The following CPQ variants were observed in gnomAD, a reference collection of about 807,000 sequenced individuals.
The protein encoded by CPQ is carboxypeptidase Q.
A neutral mutation model predicts 45.7 loss-of-function variants in CPQ; 37 were observed. The observed-to-expected ratio is 0.81, with a 90% CI of 0.62 to 1.07. CPQ has a LOEUF of 1.07. Among genes scored for constraint, CPQ ranks in the 50% least tolerant of loss-of-function variants. The probability of loss-of-function intolerance (pLI) is 0.00; values close to 1 mark genes in which losing one functional copy is unlikely to be tolerated. For missense variants in CPQ, 537 were observed against 572.9 expected, an observed-to-expected ratio of 0.94 and a Z score of 0.64; for synonymous variants, 186 against 205.8, an observed-to-expected ratio of 0.90 and a Z score of 0.82.
chr8:96,750,579 A>C (rs1810244879), intron 1 of CPQ, among the ~76,000 whole-genome samples: 1 of 149,500 alleles, frequency 6.7e-6, no homozygotes, highest in Non-Finnish European at 1.5e-5. Flanking sequence ...TTGATTCCTG[A>C]GATCTTTTCT....
chr8:96,795,754 C>A (rs905538411), intron 2 of CPQ, among the ~76,000 whole-genome samples: 8 of 151,734 alleles, frequency 5.3e-5, no homozygotes, highest in African/African-American at 1.9e-4. Context: ...GGTATAAAAT[C>A]TTTTAATGTA....
intron 1 of CPQ, among the ~76,000 whole-genome samples, chr8:96,736,852 C>T (rs1276201231): frequency 6.6e-6 from 1 of 151,858 alleles, no homozygotes; most frequent in Non-Finnish European, 1.5e-5. Flanking sequence ...CTCTCTGAGC[C>T]CATATTGGTA....
At chr8:96,845,648 A>G (rs1184833368) in intron 3 of CPQ, among the ~76,000 whole-genome samples, 6 of 152,162 alleles carry the variant, frequency 3.9e-5, no homozygotes, top group African/African-American at 1.4e-4. Context: ...ATGCCTGTCT[A>G]TTTTTTAAAA....
intron 2 of CPQ, among the ~76,000 whole-genome samples, chr8:96,800,741 A>T (rs1810995834): frequency 6.6e-6 from 1 of 152,242 alleles, no homozygotes. Context: ...ATATGTATAC[A>T]TACAATTTTA....
At chr8:96,891,536 CAG>C (rs1417067456) in intron 4 of CPQ, among the ~76,000 whole-genome samples, 1 of 152,126 alleles carries the variant, frequency 6.6e-6, no homozygotes, top group African/African-American at 2.4e-5. Flanking sequence ...TGAGCAATGA[CAG>C]GGGTGGCTGG....
At chr8:97,044,331 C>G (rs1810192953) in intron 6 of CPQ, among the ~76,000 whole-genome samples, 3 of 152,212 alleles carry the variant, frequency 2.0e-5, no homozygotes, top group South Asian at 4.1e-4. Flanking sequence ...GCTTTCAGCT[C>G]CATCAGCTCC....
intron 1 of CPQ, among the ~76,000 whole-genome samples, chr8:96,783,967 G>A (rs1039495839): frequency 3.9e-5 from 6 of 152,130 alleles, no homozygotes; most frequent in African/African-American, 1.2e-4. Context: ...GAGTAGCACT[G>A]TTTAAAGCAT....
intron 3 of CPQ, among the ~76,000 whole-genome samples, chr8:96,846,086 G>A (rs769703359): frequency 2.0e-5 from 3 of 152,180 alleles, no homozygotes; most frequent in Non-Finnish European, 4.4e-5. Flanking sequence ...CCAAAATGCT[G>A]GGATTGCAGG....
chr8:97,034,499 T>C (rs1809962715), intron 6 of CPQ, among the ~76,000 whole-genome samples: 1 of 152,366 alleles, frequency 6.6e-6, no homozygotes, highest in South Asian at 2.1e-4. Flanking sequence ...AGTATATTGT[T>C]TGTGCTTTAT....
chr8:97,122,917 TAAAATAAAATAAATA>T (rs1455338354), intron 7 of CPQ, among the ~76,000 whole-genome samples: 38 of 59,308 alleles, frequency 6.4e-4, no homozygotes, highest in East Asian at 2.2e-3. Flanking sequence ...TAAAATAAAA[TAAAATAAAATAAATA>T]AAATAAAATA....
chr8:96,842,232 T>G (rs1811623066), intron 3 of CPQ, among the ~76,000 whole-genome samples: 1 of 152,200 alleles, frequency 6.6e-6, no homozygotes, highest in Admixed American at 6.5e-5. Context: ...TTCTTCACCT[T>G]TAGACAATCT....
chr8:96,992,732 CT>C (rs536693774), intron 5 of CPQ, among the ~76,000 whole-genome samples: 332 of 152,264 alleles, frequency 2.2e-3, no homozygotes, highest in Non-Finnish European at 3.5e-3. Context: ...AAAGGAGAGT[CT>C]CCCACTTTCT....
intron 7 of CPQ, among the ~76,000 whole-genome samples, chr8:97,074,325 G>A (rs1286790336): frequency 6.6e-6 from 1 of 152,192 alleles, no homozygotes; most frequent in Non-Finnish European, 1.5e-5. Context: ...TTGATTTAAA[G>A]ATGAAAATAA....
chr8:96,755,485 T>G (rs1321209970), intron 1 of CPQ, among the ~76,000 whole-genome samples: 2 of 151,958 alleles, frequency 1.3e-5, no homozygotes, highest in Non-Finnish European at 2.9e-5. Flanking sequence ...ATAGGACATT[T>G]TTTGTTATTA....
chr8:96,980,402 G>C (rs1813872558), intron 5 of CPQ, among the ~76,000 whole-genome samples: 1 of 152,006 alleles, frequency 6.6e-6, no homozygotes, highest in Admixed American at 6.6e-5. Flanking sequence ...CAAAGTGCTG[G>C]GATTACAGGC....
At chr8:97,141,730 A>C (rs1812168865) in intron 7 of CPQ, among the ~76,000 whole-genome samples, 1 of 152,182 alleles carries the variant, frequency 6.6e-6, no homozygotes, top group South Asian at 2.1e-4. Context: ...CTAAATGACC[A>C]TTGTTGGTAA....
intron 4 of CPQ, among the ~76,000 whole-genome samples, chr8:96,897,398 G>T (rs915079509): frequency 1.3e-5 from 2 of 151,998 alleles, no homozygotes; most frequent in Admixed American, 6.6e-5. Flanking sequence ...TTGCCTCATT[G>T]TTTCCTTACT....
intron 7 of CPQ, among the ~76,000 whole-genome samples, chr8:97,103,380 G>T (rs1353015558): frequency 2.0e-5 from 3 of 152,196 alleles, no homozygotes; most frequent in Non-Finnish European, 4.4e-5. Flanking sequence ...GGTTTGAGAT[G>T]CTAATCAAAC....
chr8:96,792,301 T>C (rs777989906), intron 2 of CPQ, among the ~76,000 whole-genome samples: 2 of 152,140 alleles, frequency 1.3e-5, no homozygotes, highest in Non-Finnish European at 2.9e-5. Context: ...AGTAAAAGAA[T>C]GAGAATCAAC....
Sources: gnomAD v4.1 joint callset for allele counts (sites outside exome capture counted in the v4.1 genomes callset) on GRCh38, gnomAD v4.1.1 for gene constraint, MANE v1.5 for transcripts, NCBI Gene and HGNC (gene_info 2026-07-23, HGNC 2026-07-21) for gene names.